Variants in CUL3 observed in about 807,000 individuals in gnomAD.
CUL3 encodes the protein cullin 3, also known as cullin-3.
Under a neutral mutation model 89.1 loss-of-function variants are expected in CUL3, and 19 were observed. The ratio of observed to expected loss-of-function variants is 0.21; its 90% CI spans 0.15 to 0.31. The LOEUF (loss-of-function observed/expected upper bound fraction) is 0.31. Among genes scored for constraint, CUL3 ranks in the 10% least tolerant of loss-of-function variants. The pLI is 1.00. For missense variants in CUL3, 469 were observed against 942.3 expected (o/e 0.50, Z 6.58); for synonymous variants, 351 against 308.4 (o/e 1.14, Z -1.45).
intron 2 of CUL3, among the ~76,000 whole-genome samples, chr2:224,548,438 G>A (rs1300393751): frequency 6.6e-6 from 1 of 152,088 alleles, no homozygotes; most frequent in African/African-American, 2.4e-5. Context: ...TAGAATAAAT[G>A]TTCTTTCCAA....
At chr2:224,531,919 C>T (rs1693709405) in intron 3 of CUL3, among the ~76,000 whole-genome samples, 1 of 152,038 alleles carries the variant, frequency 6.6e-6, no homozygotes, top group South Asian at 2.1e-4. Flanking sequence ...ACTAGCAACA[C>T]TGAATATTTC....
Position 224,499,918 on chromosome 2 carries a change from T to C in CUL3, c.1610+445A>G, listed in dbSNP as rs3768891. On this transcript the variant is annotated intron_variant, in intron 11 of 15. Transcript: ENST00000264414. ...TCTCTGTTTTTTTCTTGCATATCAC[T>C]CTTGTTTTTTTTTCATCTTGCTCCT... The C allele has an allele frequency of 9.5e-4, 148 of 155,006 alleles. 1 individual carries two copies. In the East Asian group the frequency reaches 0.026, roughly 28 times the overall value. The allele number at this position is 155,006 out of a possible 1,614,324, so 9.6% of individuals were successfully genotyped here. A position where few individuals can be genotyped will look rare whatever the true frequency, so the allele number is the denominator to read the frequency against.
At chr2:224,508,463 AC>A (rs1692686178) in intron 6 of CUL3, among the ~76,000 whole-genome samples, 1 of 152,182 alleles carries the variant, frequency 6.6e-6, no homozygotes, top group Admixed American at 6.5e-5. Context: ...AATACTTCTA[AC>A]AAAATGGTTC....
At chr2:224,478,084 T>C in intron 15 of CUL3, 116 bp downstream of exon 15, 1 of 1,048,876 alleles carries the variant, frequency 9.5e-7, no homozygotes, top group East Asian at 2.6e-5. Flanking sequence ...TTCATAAGTG[T>C]TACATCACTA....
intron 2 of CUL3, among the ~76,000 whole-genome samples, chr2:224,544,489 T>A (rs1047722885): frequency 1.3e-5 from 2 of 152,070 alleles, no homozygotes; most frequent in African/African-American, 4.8e-5. Flanking sequence ...TTATAAGTAA[T>A]GTTACAAAAA....
chr2:224,475,615 A>G (rs1691290739), intron 15 of CUL3, among the ~76,000 whole-genome samples: 1 of 151,766 alleles, frequency 6.6e-6, no homozygotes, highest in Non-Finnish European at 1.5e-5. Context: ...CAGGATTACC[A>G]CTCCTGTATC....
chr2:224,584,286 C>CA (rs199687593), intron 1 of CUL3, among the ~76,000 whole-genome samples: 1 of 152,016 alleles, frequency 6.6e-6, no homozygotes, highest in Non-Finnish European at 1.5e-5. Flanking sequence ...TGCTTCCCCC[C>CA]CACCCGGCCT....
intron 3 of CUL3, among the ~76,000 whole-genome samples, chr2:224,521,537 C>G (rs1168775833): frequency 2.6e-5 from 4 of 151,562 alleles, no homozygotes; most frequent in Non-Finnish European, 4.4e-5. Context: ...TTCAAGTGAT[C>G]CTCCTGCCTC....
At position 224,557,702 on chromosome 2, in the gene CUL3, T is replaced by C; in HGVS notation, c.221A>G (p.Tyr74Cys). 1 of 1,612,772 alleles carries C rather than the reference T, an allele frequency of 6.2e-7. No homozygotes were observed. The highest frequency in any genetic ancestry group is 1.3e-5 in the African/African-American group (1 of 74,996). ...MVLHKHGEKL[Y>C]TGLREVVTEH... ...GGTAACAACTTCTCTTAGTCCAGTG[T>C]AGAGCTTTTCTCCATGTTTATGCAA... The change falls in exon 2 of 16, where the codon TAC becomes TGC. Residue 74 changes from tyrosine (Y) to cysteine (C), a missense_variant. Physicochemically the swap from Tyr to Cys is radical, Grantham distance 194. Coordinates refer to ENST00000264414, the MANE Select transcript of CUL3 (RefSeq NM_003590.5).
chr2:224,517,841 C>T (rs1465986167), intron 3 of CUL3, among the ~76,000 whole-genome samples: 2 of 152,130 alleles, frequency 1.3e-5, no homozygotes, highest in African/African-American at 2.4e-5. Flanking sequence ...AAATTACCTA[C>T]ACTTAATTCA....
At chr2:224,578,728 T>C (rs1327823775) in intron 1 of CUL3, among the ~76,000 whole-genome samples, 1 of 152,164 alleles carries the variant, frequency 6.6e-6, no homozygotes, top group Non-Finnish European at 1.5e-5. Flanking sequence ...TAAAAAAAAG[T>C]TGCATTATTT....
intron 2 of CUL3, among the ~76,000 whole-genome samples, chr2:224,549,773 C>T (rs541966807): frequency 1.3e-5 from 2 of 152,118 alleles, no homozygotes; most frequent in African/African-American, 4.8e-5. Context: ...CCACCCTTAA[C>T]ATGCCCAAAA....
intron 2 of CUL3, among the ~76,000 whole-genome samples, chr2:224,553,640 C>A (rs1225486359): frequency 6.6e-6 from 1 of 152,108 alleles, no homozygotes; most frequent in Non-Finnish European, 1.5e-5. Flanking sequence ...GCAATTAAAT[C>A]TTGAGAATGG....
At chr2:224,559,308 G>A (rs1694829861) in intron 1 of CUL3, among the ~76,000 whole-genome samples, 1 of 151,880 alleles carries the variant, frequency 6.6e-6, no homozygotes, top group Admixed American at 6.6e-5. Context: ...TTAAGAATTA[G>A]CTGAGCGTGG....
chr2:224,560,958 C>T (rs1251477482), intron 1 of CUL3, among the ~76,000 whole-genome samples: 1 of 152,194 alleles, frequency 6.6e-6, no homozygotes, highest in Non-Finnish European at 1.5e-5. Flanking sequence ...TCAGTGTCTT[C>T]GTATTTGCTA....
At chr2:224,502,255 T>C (rs749504315) in intron 10 of CUL3, among the ~76,000 whole-genome samples, 8 of 152,168 alleles carry the variant, frequency 5.3e-5, no homozygotes, top group Non-Finnish European at 8.8e-5. Context: ...TTGTGACACA[T>C]TTTAACCATA....
intron 3 of CUL3, among the ~76,000 whole-genome samples, chr2:224,526,114 T>C (rs1693463822): frequency 6.6e-6 from 1 of 152,224 alleles, no homozygotes; most frequent in Admixed American, 6.5e-5. Context: ...CCAATAATTT[T>C]ACAGATAAGA....
At position 224,511,536 on chromosome 2, in the gene CUL3, ATATATACTGAAGCAC is replaced by A; in HGVS notation, c.686_700del (p.Ser229_Tyr233del). ...ATTAATTCTAGCTTCTACTTTCTTT[ATATATACTGAAGCAC>A]TATTTTCTGCTAAAAATTTCTGGCT... On this transcript the variant is annotated inframe_deletion, in exon 6 of 16. Transcript: ENST00000264414. 6.2e-7 allele frequency: 1 copy of A among 1,612,786 alleles called. No individual in the cohort carries two copies. The highest frequency in any genetic ancestry group is 8.5e-7 in the Non-Finnish European group (1 of 1,179,308).
intron 1 of CUL3, among the ~76,000 whole-genome samples, chr2:224,570,032 A>G (rs1037930282): frequency 1.3e-5 from 2 of 151,826 alleles, no homozygotes; most frequent in Admixed American, 6.6e-5. Context: ...TGATACAACT[A>G]AACTATTAAT....
Sources: gnomAD v4.1 joint callset for allele counts (sites outside exome capture counted in the v4.1 genomes callset) on GRCh38, gnomAD v4.1.1 for gene constraint, MANE v1.5 for transcripts, NCBI Gene and HGNC (gene_info 2026-07-23, HGNC 2026-07-21) for gene names.